The following USP34 variants were observed in gnomAD, a reference collection of about 807,000 sequenced individuals.
USP34 encodes ubiquitin specific peptidase 34.
USP34 carries 70 observed loss-of-function variants against 460.3 expected under a neutral mutation model. The observed-to-expected ratio is 0.15, with a 90% CI of 0.13 to 0.19. USP34 has a LOEUF of 0.19. Among genes scored for constraint, USP34 ranks in the 10% least tolerant of loss-of-function variants. The pLI, the probability that USP34 is intolerant of heterozygous loss-of-function variation, is 1.00. For synonymous variants in USP34, 1,647 were observed against 1,405.3 expected (o/e 1.17, Z -3.85); for missense variants, 3,985 against 4,236.2 (o/e 0.94, Z 1.65).
At position 61,362,864 on chromosome 2, in the gene USP34, A is replaced by G. The variant is rs1321782501; in HGVS notation, c.1251+7457T>C. On this transcript the variant is annotated intron_variant, in intron 10 of 79. Transcript: ENST00000398571. ...ACATCAAGTTGTACACCTTAAATAC[A>G]TAATTTTTATATTTGTATAGTATTT... 3.9e-5 allele frequency among the ~76,000 whole-genome samples: 6 copies of G among 152,250 alleles called. No homozygotes were observed. The South Asian group carries it at 6.2e-4, about 16-fold the overall frequency.
intron 30 of USP34, among the ~76,000 whole-genome samples, 173 bp from the exon 31 acceptor site, chr2:61,295,463 T>G (rs1006691383): frequency 6.6e-6 from 1 of 152,154 alleles, no homozygotes; most frequent in Non-Finnish European, 1.5e-5. Context: ...GCTTAAAACA[T>G]CAATTATGCA....
In USP34 at chr2:61,417,207, T is replaced by G. The variant is rs893142237; in HGVS notation, c.131+3539A>C. The stretch of plus-strand genomic sequence containing the variant: ...TGCCTGTTTGGACCCTACACTGGGG[T>G]AGTGCAAGGTCAGAAACACGAACAT... On this transcript the variant is annotated intron_variant, in intron 2 of 79. Transcript: ENST00000398571. 3 of 1,540,172 alleles carry G rather than the reference T, an allele frequency of 1.9e-6. 1 individual carries two copies. The highest frequency in any genetic ancestry group is 2.7e-6 in the Non-Finnish European group (3 of 1,129,316).
intron 10 of USP34, among the ~76,000 whole-genome samples, chr2:61,366,846 G>A (rs555924458): frequency 1.4e-4 from 21 of 152,224 alleles, no homozygotes; most frequent in African/African-American, 4.8e-4. Context: ...TCAGGAGTTC[G>A]AGACCAGTCT....
At chr2:61,371,444 TAAAAAA>T (rs34779019) in intron 8 of USP34, among the ~76,000 whole-genome samples, 1 of 142,616 alleles carries the variant, frequency 7.0e-6, no homozygotes, top group Non-Finnish European at 1.5e-5. Flanking sequence ...ATTAAAAAGT[TAAAAAA>T]AAAAAAAGGA....
At chr2:61,344,980 T>C (rs961660092) in intron 15 of USP34, among the ~76,000 whole-genome samples, 1 of 152,034 alleles carries the variant, frequency 6.6e-6, no homozygotes, top group African/African-American at 2.4e-5. Flanking sequence ...AAAAAAAATG[T>C]TCTGGCCCAA....
At chr2:61,333,385 A>G (rs919160182) in intron 19 of USP34, among the ~76,000 whole-genome samples, 6 of 152,088 alleles carry the variant, frequency 3.9e-5, no homozygotes, top group Admixed American at 6.5e-5. Flanking sequence ...AAATGCTCCA[A>G]TGAATATTTC....
intron 1 of USP34, among the ~76,000 whole-genome samples, chr2:61,426,504 G>C (rs73932810): frequency 0.025 from 3,872 of 152,154 alleles, 175 homozygotes; most frequent in African/African-American, 0.089. Context: ...AGGTGAGGTG[G>C]AAATGGGAAA....
At position 61,442,900 on chromosome 2, in the gene USP34, C is replaced by T. The variant is rs1695004990; in HGVS notation, c.44-22067G>A. On this transcript the variant is annotated intron_variant, in intron 1 of 79. Coordinates refer to ENST00000398571, the MANE Select transcript of USP34 (RefSeq NM_014709.4). ...GGATAAACAAAATGTGATGTGTGTACACACACACACACACACACACACACA... is the reference window on the plus strand; with the variant it reads ...GGATAAACAAAATGTGATGTGTGTATACACACACACACACACACACACACA... Among the ~76,000 whole-genome samples the T allele has an allele frequency of 3.2e-5, 2 of 62,884 alleles. 1 individual carries two copies. 41.3% of individuals were successfully genotyped at this position (62,884 alleles called of 152,430 possible).
intron 27 of USP34, among the ~76,000 whole-genome samples, chr2:61,310,521 A>AAT (rs1008530078): frequency 3.3e-5 from 5 of 151,400 alleles, no homozygotes; most frequent in African/African-American, 7.3e-5. Context: ...TTGTGCTTTA[A>AAT]ATATATATAT....
At chr2:61,268,147 TA>T (rs1689108254) in intron 41 of USP34, among the ~76,000 whole-genome samples, 2 of 152,182 alleles carry the variant, frequency 1.3e-5, no homozygotes, top group Non-Finnish European at 2.9e-5. Flanking sequence ...CAGAGAATAT[TA>T]AAAATAGTTT....
chr2:61,460,201 CTA>C (rs1695559947), intron 1 of USP34, among the ~76,000 whole-genome samples: 1 of 152,192 alleles, frequency 6.6e-6, no homozygotes, highest in Non-Finnish European at 1.5e-5. Flanking sequence ...ACCACAGTCA[CTA>C]TGGTCCAAAA....
chr2:61,382,153 T>TC (rs1692992535), intron 6 of USP34, among the ~76,000 whole-genome samples: 1 of 152,134 alleles, frequency 6.6e-6, no homozygotes, highest in Non-Finnish European at 1.5e-5. Flanking sequence ...TAGCTTCTAT[T>TC]CCAGTCACCC....
intron 1 of USP34, among the ~76,000 whole-genome samples, chr2:61,463,839 A>C (rs1039225292): frequency 1.3e-4 from 20 of 151,784 alleles, no homozygotes; most frequent in Middle Eastern, 3.4e-3. Context: ...CTTTTCAAAA[A>C]AAAAAAAAAC....
intron 1 of USP34, among the ~76,000 whole-genome samples, chr2:61,455,271 C>T (rs770210759): frequency 6.6e-6 from 1 of 152,004 alleles, no homozygotes; most frequent in Non-Finnish European, 1.5e-5. Context: ...CTCCGCCTCC[C>T]GGGTTCAAGC....
intron 6 of USP34, among the ~76,000 whole-genome samples, chr2:61,381,081 G>A (rs1692956846): frequency 1.3e-5 from 2 of 151,972 alleles, no homozygotes; most frequent in Non-Finnish European, 2.9e-5. Flanking sequence ...GAAGGCTGCA[G>A]GATCCTCTGC....
chr2:61,396,425 C>T (rs1273352557), intron 3 of USP34, among the ~76,000 whole-genome samples: 1 of 152,062 alleles, frequency 6.6e-6, no homozygotes, highest in Non-Finnish European at 1.5e-5. Flanking sequence ...CTCATTAACC[C>T]ACAATTAGAA....
At chr2:61,449,386 C>A (rs1272592943) in intron 1 of USP34, among the ~76,000 whole-genome samples, 1 of 151,838 alleles carries the variant, frequency 6.6e-6, no homozygotes, top group East Asian at 1.9e-4. Context: ...TAATCCTCAA[C>A]TTGATACACA....
chr2:61,285,506 TAAGAA>T lies in USP34; in HGVS notation c.4750-554_4750-550del, dbSNP rs1203479837. On this transcript the variant is annotated intron_variant, in intron 34 of 79. Coordinates refer to ENST00000398571, the MANE Select transcript of USP34 (RefSeq NM_014709.4). ...TGTCTCAAAAAAAAAAAAAAAAAAG[TAAGAA>T]AAGAAAAGAAAAAGAAAAGAAATTA... is the stretch of plus-strand genomic sequence containing the variant. 6.2e-3 allele frequency among the ~76,000 whole-genome samples: 807 copies of T among 129,924 alleles called. 7 individuals carry two copies. Among genetic ancestry groups the T allele is most frequent in the African/African-American group, 0.022 (786 of 35,286 alleles). 85.2% of individuals were successfully genotyped at this position (129,924 alleles called of 152,430 possible).
intron 3 of USP34, among the ~76,000 whole-genome samples, chr2:61,396,473 G>A (rs1693530415): frequency 6.8e-6 from 1 of 146,018 alleles, no homozygotes; most frequent in Non-Finnish European, 1.5e-5. Flanking sequence ...TAAATGAATG[G>A]CATAACCATT....
Sources: allele counts gnomAD v4.1 joint callset (sites outside exome capture counted in the v4.1 genomes callset), GRCh38; gene constraint gnomAD v4.1.1; transcripts MANE v1.5; gene names NCBI Gene and HGNC (gene_info 2026-07-23, HGNC 2026-07-21).